The following HTT variants were observed in gnomAD, a reference collection of about 807,000 sequenced individuals.
HTT encodes the protein huntington disease protein.
HTT carries 104 observed loss-of-function variants against 362.3 expected under a neutral mutation model. That is an observed-to-expected ratio of 0.29 (90% confidence interval 0.24 to 0.34). HTT has a LOEUF of 0.34. Among genes scored for constraint, HTT ranks in the 10% least tolerant of loss-of-function variants. The probability of loss-of-function intolerance (pLI) is 1.00; values close to 1 mark genes in which losing one functional copy is unlikely to be tolerated. For synonymous variants in HTT, 1,577 were observed against 1,548.7 expected, an observed-to-expected ratio of 1.02 and a Z score of -0.43; for missense variants, 3,301 against 3,928.6, an observed-to-expected ratio of 0.84 and a Z score of 4.27.
rs777706376 is a variant in HTT, at chr4:3,215,061, CT to C, written c.6953-48del. 12 of 1,421,976 alleles carry C rather than the reference CT, an allele frequency of 8.4e-6. No homozygotes were observed. The South Asian group carries it at 1.4e-4, about 17-fold the overall frequency. The allele number at this position is 1,421,976 out of a possible 1,614,324, so 88.1% of individuals were successfully genotyped here. A position where few individuals can be genotyped will look rare whatever the true frequency, so the allele number is the denominator to read the frequency against. Reference sequence around the variant, plus strand: ...AATGTAAAATGTTGAATAAAAAGCACTGATGGAAGTGTGTAGAAATTCTTCT... The same window carrying C: ...AATGTAAAATGTTGAATAAAAAGCACGATGGAAGTGTGTAGAAATTCTTCT... On this transcript the variant is annotated intron_variant, in intron 50 of 66. Transcript: ENST00000355072.
chr4:3,199,066 C>G (rs1225819992), intron 40 of HTT, among the ~76,000 whole-genome samples: 1 of 152,218 alleles, frequency 6.6e-6, no homozygotes, highest in Non-Finnish European at 1.5e-5. Context: ...TGTGGGGGCC[C>G]CGCTGTGGCC....
chr4:3,097,245 A>G (rs945456639), intron 2 of HTT, among the ~76,000 whole-genome samples: 9 of 152,210 alleles, frequency 5.9e-5, no homozygotes, highest in African/African-American at 2.2e-4. Context: ...ACATCAATAA[A>G]TTGGTAAAGC....
chr4:3,182,252 T>C, intron 36 of HTT, 102 bp from the exon 37 acceptor site: 1 of 737,254 alleles, frequency 1.4e-6, no homozygotes, highest in South Asian at 1.6e-5. Context: ...GTTTGGATCC[T>C]AGAGTCTTCC....
intron 12 of HTT, 98 bp downstream of exon 12, chr4:3,127,702 G>C: frequency 1.2e-6 from 1 of 865,196 alleles, no homozygotes; most frequent in South Asian, 1.7e-5. Context: ...AGGGGCTCAT[G>C]CCTGTAATCC....
intron 22 of HTT, among the ~76,000 whole-genome samples, chr4:3,141,732 CA>C (rs1716355375): frequency 6.6e-6 from 1 of 152,180 alleles, no homozygotes; most frequent in South Asian, 2.1e-4. Context: ...ATTGCACTCC[CA>C]GCTTGGGCTA....
chr4:3,210,609 T>TGG lies in HTT; in HGVS notation c.6414+666_6414+667dup, dbSNP rs11445574. On this transcript the variant is annotated intron_variant, in intron 47 of 66. Coordinates refer to ENST00000355072, the MANE Select transcript of HTT (RefSeq NM_001388492.1). ...ACCCGTGGGCAGGTCCTGTGAGCAG[T>TGG]GGGGGGGCCACCTCTTGGGTATGGT... Among the ~76,000 whole-genome samples, 522 of 151,786 alleles carry TGG rather than the reference T, an allele frequency of 3.4e-3. 4 individuals are homozygous for TGG. The highest frequency in any genetic ancestry group is 3.9e-3 in the Non-Finnish European group (262 of 67,880).
At chr4:3,236,768 C>G (rs895617961) in intron 64 of HTT, among the ~76,000 whole-genome samples, 1 of 152,040 alleles carries the variant, frequency 6.6e-6, no homozygotes, top group African/African-American at 2.4e-5. Flanking sequence ...CCCCCCACCA[C>G]CCCCCACTGC....
chr4:3,121,356 G>T lies in HTT; in HGVS notation c.1197G>T (p.Gly399=), dbSNP rs1224860071. The T allele has an allele frequency of 4.3e-6, 7 of 1,614,044 alleles. No homozygotes were observed. The South Asian group carries it at 7.7e-5, about 18-fold the overall frequency. ...PELLQTLTAV[G]GIGQLTAAKE... ...TTCTGCAAACCCTGACCGCAGTCGG[G>T]GGCATTGGGCAGCTCACCGCTGCTA... Residue 399 remains glycine, a synonymous_variant, in exon 9 of 67, where the codon GGG becomes GGT. Transcript: ENST00000355072.
intron 7 of HTT, 142 bp downstream of exon 7, chr4:3,115,587 G>GCAGCCC: frequency 1.5e-6 from 1 of 672,544 alleles, no homozygotes; most frequent in Non-Finnish European, 2.5e-6. Context: ...CACTGGGGCT[G>GCAGCCC]CTGTGAGCCC....
chr4:3,141,136 A>G (rs1460682692), intron 22 of HTT, among the ~76,000 whole-genome samples: 1 of 152,246 alleles, frequency 6.6e-6, no homozygotes, highest in African/African-American at 2.4e-5. Context: ...ATGGCCACAT[A>G]TATCCCATTC....
At chr4:3,140,800 G>T (rs1716308679) in intron 22 of HTT, 144 bp downstream of exon 22, 8 of 713,002 alleles carry the variant, frequency 1.1e-5, no homozygotes, top group Non-Finnish European at 1.8e-5. Context: ...CCTTTGATAG[G>T]ATATTATCAT....
chr4:3,075,653 G>T (rs1440042116), intron 1 of HTT, among the ~76,000 whole-genome samples: 13 of 142,350 alleles, frequency 9.1e-5, no homozygotes, highest in South Asian at 2.4e-4. Context: ...GGGGCAGGGG[G>T]GGGGCGGGGA....
At chr4:3,119,027 C>T (rs993882437) in intron 8 of HTT, among the ~76,000 whole-genome samples, 2 of 152,144 alleles carry the variant, frequency 1.3e-5, no homozygotes, top group Admixed American at 6.5e-5. Context: ...TTTAGATATG[C>T]AGGAACTTAG....
intron 29 of HTT, among the ~76,000 whole-genome samples, chr4:3,162,070 T>A (rs1717473592): frequency 6.6e-6 from 1 of 152,210 alleles, no homozygotes; most frequent in Non-Finnish European, 1.5e-5. Flanking sequence ...TATGTTTAAG[T>A]CTTTGATCCA....
intron 22 of HTT, among the ~76,000 whole-genome samples, chr4:3,141,269 T>C (rs944748032): frequency 4.6e-5 from 7 of 152,256 alleles, no homozygotes; most frequent in Non-Finnish European, 1.0e-4. Context: ...GTCTTTTAAA[T>C]GTTATTTTAA....
chr4:3,109,800 G>A (rs1185245030), intron 6 of HTT, among the ~76,000 whole-genome samples: 11 of 152,196 alleles, frequency 7.2e-5, no homozygotes, highest in African/African-American at 2.6e-4. Context: ...GCCATAGCTG[G>A]GTTCTCAGCA....
Position 3,127,359 on chromosome 4 carries a change from C to T in HTT, c.1498C>T (p.Arg500Trp), listed in dbSNP as rs1715567745. 6 of 1,614,184 alleles carry T rather than the reference C, an allele frequency of 3.7e-6. No individual in the cohort carries two copies. Among genetic ancestry groups the T allele is most frequent in the South Asian group, 2.2e-5 (2 of 91,076 alleles). Residue 500 changes from arginine to tryptophan, a missense_variant, in exon 12 of 67, where the codon CGG (arginine) becomes TGG (tryptophan). Physicochemically the swap from Arg to Trp is moderately radical, Grantham distance 101. Around this residue, in one of 4 missense-constraint regions of HTT, gnomAD observed 2,316 missense variants for 2,658.5 expected, o/e 0.87. Coordinates refer to ENST00000355072, the MANE Select transcript of HTT (RefSeq NM_001388492.1). ...TCATGACATCATCACAGAACAGCCA[C>T]GGTCACAGCACACACTGCAGGCGGA... ...AGHDIITEQP[R>W]SQHTLQADSV... is the part of the protein sequence containing the mutation.
intron 40 of HTT, among the ~76,000 whole-genome samples, chr4:3,192,138 G>T (rs528149515): frequency 6.6e-6 from 1 of 152,286 alleles, no homozygotes; most frequent in South Asian, 2.1e-4. Context: ...ATGAAGTGCA[G>T]TGCGAGGCTC....
chr4:3,116,687 G>T (rs902401022), intron 8 of HTT, among the ~76,000 whole-genome samples: 1 of 152,202 alleles, frequency 6.6e-6, no homozygotes, highest in African/African-American at 2.4e-5. Context: ...AGGCACGGTG[G>T]TATATGCTCA....
Sources: gnomAD v4.1 joint callset for allele counts (sites outside exome capture counted in the v4.1 genomes callset) on GRCh38, gnomAD v4.1.1 for gene constraint, gnomAD v4.1.1 regional missense constraint, MANE v1.5 for transcripts, NCBI Gene and HGNC (gene_info 2026-07-23, HGNC 2026-07-21) for gene names.